Variants in IL1RAPL1 observed in about 807,000 individuals in gnomAD.
IL1RAPL1 encodes the protein interleukin-1 receptor accessory protein-like 1.
Under a neutral mutation model 48.4 loss-of-function variants are expected in IL1RAPL1, and 3 were observed. The observed-to-expected ratio is 0.06, with a 90% CI of 0.03 to 0.16. The LOEUF (loss-of-function observed/expected upper bound fraction) is 0.16, where lower values mean the gene tolerates loss of function less well. IL1RAPL1 is among the 10% of genes least tolerant of loss of function. The pLI is 1.00. For synonymous variants in IL1RAPL1, 185 were observed against 187.7 expected, an observed-to-expected ratio of 0.99 and a Z score of 0.12; for missense variants, 349 against 530.6, an observed-to-expected ratio of 0.66 and a Z score of 3.36.
chrX:29,254,683 A>G (rs1931723908), intron 2 of IL1RAPL1, among the ~76,000 whole-genome samples: 1 of 112,013 alleles, frequency 8.9e-6, no homozygotes, highest in Admixed American at 9.5e-5. Context: ...CACACAAGAC[A>G]GGTGAAATAT....
Position 29,879,163 on chromosome X carries a change from T to A in IL1RAPL1, c.779-38301T>A, listed in dbSNP as rs748738350. Among the ~76,000 whole-genome samples the A allele has an allele frequency of 1.3e-4, 14 of 111,031 alleles. No homozygotes were observed. The South Asian group carries it at 5.2e-3, about 41-fold the overall frequency. On this transcript the variant is annotated intron_variant, in intron 6 of 10. Coordinates refer to ENST00000378993, the MANE Select transcript of IL1RAPL1 (RefSeq NM_014271.4). ...AGTGAAACGATCTGGTCTGAAAAGG[T>A]TACACACTGTATAATTCCATTTATA...
At chrX:29,628,410 G>A (rs1924674722) in intron 5 of IL1RAPL1, among the ~76,000 whole-genome samples, 1 of 111,555 alleles carries the variant, frequency 9.0e-6, no homozygotes, top group Admixed American at 9.5e-5. Context: ...TATTGATGAG[G>A]GACTATCAAT....
intron 5 of IL1RAPL1, among the ~76,000 whole-genome samples, chrX:29,586,354 G>A (rs908455121): frequency 1.8e-5 from 2 of 111,332 alleles, no homozygotes; most frequent in African/African-American, 3.3e-5. Flanking sequence ...TCAATTGGTT[G>A]TATATACATG....
intron 2 of IL1RAPL1, among the ~76,000 whole-genome samples, chrX:29,241,838 T>C (rs1451333101): frequency 2.7e-5 from 3 of 111,360 alleles, no homozygotes; most frequent in Non-Finnish European, 5.7e-5. Context: ...CTATATAACA[T>C]TTTTTTTCCC....
intron 5 of IL1RAPL1, among the ~76,000 whole-genome samples, chrX:29,613,125 G>A (rs1008081668): frequency 4.5e-5 from 5 of 111,862 alleles, no homozygotes; most frequent in African/African-American, 1.6e-4. Context: ...TATAATGACA[G>A]CCCAAAGATG....
chrX:28,777,184 A>G (rs1936370728), intron 1 of IL1RAPL1, among the ~76,000 whole-genome samples: 1 of 111,219 alleles, frequency 9.0e-6, no homozygotes, highest in Admixed American at 9.6e-5. Context: ...CTAGTCTTTG[A>G]TGGAATTCCT....
chrX:28,617,818 T>C lies in IL1RAPL1; in HGVS notation c.-25+29771T>C, dbSNP rs1001516175. Among the ~76,000 whole-genome samples, 4 of 112,116 alleles carry C rather than the reference T, an allele frequency of 3.6e-5. No homozygotes were observed. In the South Asian group the frequency reaches 1.5e-3, roughly 41 times the overall value. On this transcript the variant is annotated intron_variant, in intron 1 of 10. Coordinates refer to ENST00000378993, the MANE Select transcript of IL1RAPL1 (RefSeq NM_014271.4). ...GGGAAAGAGGCAGGAGAGAAATTAT[T>C]ATTATTTTTTCCAGTCTTGAAATTT...
At chrX:29,581,670 C>T (rs912593795) in intron 5 of IL1RAPL1, among the ~76,000 whole-genome samples, 3 of 111,091 alleles carry the variant, frequency 2.7e-5, no homozygotes, top group African/African-American at 9.8e-5. Context: ...TTTAAATCTT[C>T]GAATTCTTGT....
intron 1 of IL1RAPL1, among the ~76,000 whole-genome samples, chrX:28,744,149 T>C (rs1477777554): frequency 9.0e-6 from 1 of 111,287 alleles, no homozygotes; most frequent in Non-Finnish European, 1.9e-5. Flanking sequence ...TCAAAATGTA[T>C]ATCTTATACG....
chrX:29,130,492 T>G (rs979296816), intron 2 of IL1RAPL1, among the ~76,000 whole-genome samples: 1 of 112,315 alleles, frequency 8.9e-6, no homozygotes, highest in Non-Finnish European at 1.9e-5. Flanking sequence ...CTTATTCAAC[T>G]CAGCATGTTC....
At chrX:28,651,082 G>C (rs925337620) in intron 1 of IL1RAPL1, among the ~76,000 whole-genome samples, 3 of 111,875 alleles carry the variant, frequency 2.7e-5, no homozygotes, top group Non-Finnish European at 5.6e-5. Context: ...TAAAAATACT[G>C]TATAAAACTA....
At chrX:29,633,908 G>C (rs778912924) in intron 5 of IL1RAPL1, among the ~76,000 whole-genome samples, 13 of 111,467 alleles carry the variant, frequency 1.2e-4, no homozygotes, top group African/African-American at 4.2e-4. Flanking sequence ...ATATCCACAA[G>C]GGCGCTTTTT....
At chrX:29,089,740 AGAAATATGAATATATATATAT>A (rs1928038351) in intron 2 of IL1RAPL1, among the ~76,000 whole-genome samples, 1 of 65,956 alleles carries the variant, frequency 1.5e-5, no homozygotes, top group African/African-American at 5.7e-5. Flanking sequence ...ATGAAAGCAG[AGAAATATGAATATATATATAT>A]ATATATATAT....
chrX:28,641,799 T>C (rs925088724), intron 1 of IL1RAPL1, among the ~76,000 whole-genome samples: 3 of 111,572 alleles, frequency 2.7e-5, no homozygotes, highest in Non-Finnish European at 3.8e-5. Context: ...TGGTTTTGAT[T>C]TGCACTTCTC....
At chrX:28,882,778 T>C (rs1239161321) in intron 2 of IL1RAPL1, among the ~76,000 whole-genome samples, 1 of 112,303 alleles carries the variant, frequency 8.9e-6, no homozygotes, top group East Asian at 2.8e-4. Flanking sequence ...GAAAGGATGC[T>C]AGACAACAAC....
chrX:28,930,523 T>C (rs193064628), intron 2 of IL1RAPL1, among the ~76,000 whole-genome samples: 39 of 112,765 alleles, frequency 3.5e-4, no homozygotes, highest in African/African-American at 1.2e-3. Flanking sequence ...GCATCGTGTA[T>C]AGAGTGTCTA....
chrX:29,882,943 G>C (rs1320808167), intron 6 of IL1RAPL1, among the ~76,000 whole-genome samples: 1 of 111,363 alleles, frequency 9.0e-6, no homozygotes, highest in Non-Finnish European at 1.9e-5. Flanking sequence ...CTGGTGATCT[G>C]GTGAGAGGGA....
At chrX:29,506,513 C>T (rs980254375) in intron 5 of IL1RAPL1, among the ~76,000 whole-genome samples, 11 of 106,359 alleles carry the variant, frequency 1.0e-4, no homozygotes, top group African/African-American at 3.5e-4. Context: ...TATGCTACTT[C>T]CTTTTCAGCA....
At chrX:29,088,817 A>T (rs750614671) in intron 2 of IL1RAPL1, among the ~76,000 whole-genome samples, 6 of 111,002 alleles carry the variant, frequency 5.4e-5, no homozygotes, top group Non-Finnish European at 9.4e-5. Flanking sequence ...TTCTTAAACA[A>T]TTATATTTAA....
Sources: gnomAD v4.1 joint callset for allele counts (sites outside exome capture counted in the v4.1 genomes callset) on GRCh38, gnomAD v4.1.1 for gene constraint, MANE v1.5 for transcripts, NCBI Gene and HGNC (gene_info 2026-07-23, HGNC 2026-07-21) for gene names.